The following NTM variants were observed in gnomAD, a reference collection of about 807,000 sequenced individuals.
NTM encodes the protein IgLON family member 2.
NTM carries 13 observed loss-of-function variants against 42.1 expected under a neutral mutation model. The observed-to-expected ratio is 0.31, with a 90% CI of 0.20 to 0.49. NTM has a LOEUF of 0.49. Ranked by LOEUF, NTM falls within the 20% of genes least tolerant of loss-of-function variation. The pLI, the probability that NTM is intolerant of heterozygous loss-of-function variation, is 0.99. For missense variants in NTM, 373 were observed against 452.8 expected (o/e 0.82, Z 1.60); for synonymous variants, 187 against 179.2 (o/e 1.04, Z -0.35).
At chr11:131,409,635 G>C (rs1368314138) in intron 1 of NTM, among the ~76,000 whole-genome samples, 3 of 152,240 alleles carry the variant, frequency 2.0e-5, no homozygotes, top group Non-Finnish European at 4.4e-5. Context: ...GCAGCGGCAC[G>C]GGGGCAGGGG....
chr11:131,613,026 T>A (rs2061590398), intron 1 of NTM, among the ~76,000 whole-genome samples: 1 of 152,238 alleles, frequency 6.6e-6, no homozygotes, highest in South Asian at 2.1e-4. Flanking sequence ...CAGGCACATT[T>A]GAGGACACTC....
At chr11:131,753,569 GT>G (rs372895540) in intron 1 of NTM, among the ~76,000 whole-genome samples, 2 of 143,746 alleles carry the variant, frequency 1.4e-5, no homozygotes, top group African/African-American at 6.0e-5. Flanking sequence ...GCCATAAAAA[GT>G]GATGAGTTCA....
intron 1 of NTM, among the ~76,000 whole-genome samples, chr11:131,838,898 T>C (rs1592198345): frequency 6.6e-6 from 1 of 152,216 alleles, no homozygotes; most frequent in Middle Eastern, 3.4e-3. Context: ...CTGCCCTCTT[T>C]GGGTTTAGAT....
chr11:132,253,175 T>G (rs972862701), intron 4 of NTM, among the ~76,000 whole-genome samples: 1 of 152,186 alleles, frequency 6.6e-6, no homozygotes, highest in Non-Finnish European at 1.5e-5. Flanking sequence ...GATCTGGTAA[T>G]CTTCTATCTC....
At chr11:131,616,946 T>C (rs1419286997) in intron 1 of NTM, among the ~76,000 whole-genome samples, 2 of 152,148 alleles carry the variant, frequency 1.3e-5, no homozygotes. Context: ...TGAAATAAGT[T>C]CCAGGATTTG....
intron 2 of NTM, among the ~76,000 whole-genome samples, chr11:131,913,030 C>T (rs192827104): frequency 6.6e-6 from 1 of 152,268 alleles, no homozygotes; most frequent in Admixed American, 6.5e-5. Flanking sequence ...TTTGTTGGCT[C>T]ACGAGACCCA....
chr11:131,943,819 A>G (rs1461300539), intron 2 of NTM, among the ~76,000 whole-genome samples: 2 of 152,226 alleles, frequency 1.3e-5, no homozygotes, highest in African/African-American at 2.4e-5. Flanking sequence ...TCAAAAGCAC[A>G]GCACTGGAAT....
In NTM at chr11:132,143,668, G is replaced by A. The variant is rs144044400; in HGVS notation, c.168-2614G>A. ...ATGTGAATTCATCCAGTCCCTGCTT[G>A]GACCCAAGTGAAGGTCAGAGCAGTG... is the stretch of plus-strand genomic sequence containing the variant. On this transcript the variant is annotated intron_variant, in intron 2 of 8. Transcript: ENST00000683400. 3.6e-4 allele frequency among the ~76,000 whole-genome samples: 55 copies of A among 152,196 alleles called. No homozygotes were observed. In the East Asian group the frequency reaches 8.5e-3, roughly 24 times the overall value.
At chr11:131,957,570 C>T (rs1305368134) in intron 2 of NTM, among the ~76,000 whole-genome samples, 2 of 152,230 alleles carry the variant, frequency 1.3e-5, no homozygotes, top group Non-Finnish European at 2.9e-5. Flanking sequence ...TGCAGCCCAA[C>T]CGTTACCTGT....
At chr11:131,942,289 G>A (rs1366916798) in intron 2 of NTM, among the ~76,000 whole-genome samples, 1 of 152,222 alleles carries the variant, frequency 6.6e-6, no homozygotes, top group African/African-American at 2.4e-5. Flanking sequence ...CAATGTCCAT[G>A]CATAGAGTGG....
At chr11:131,655,835 G>A (rs1169140078) in intron 1 of NTM, among the ~76,000 whole-genome samples, 1 of 152,250 alleles carries the variant, frequency 6.6e-6, no homozygotes, top group Non-Finnish European at 1.5e-5. Context: ...AGAAATTCTA[G>A]TCTCCACTGG....
At chr11:132,173,361 G>A (rs2076357906) in intron 3 of NTM, among the ~76,000 whole-genome samples, 1 of 152,216 alleles carries the variant, frequency 6.6e-6, no homozygotes, top group African/African-American at 2.4e-5. Context: ...GTGCAGCGAA[G>A]TGGGGTCTCC....
intron 1 of NTM, among the ~76,000 whole-genome samples, chr11:131,705,087 A>G (rs1592636082): frequency 6.6e-6 from 1 of 152,214 alleles, no homozygotes; most frequent in East Asian, 1.9e-4. Flanking sequence ...AAAACTTCCA[A>G]CATCTGGAGA....
At chr11:132,211,489 G>T (rs1464391608) in intron 3 of NTM, among the ~76,000 whole-genome samples, 1 of 152,214 alleles carries the variant, frequency 6.6e-6, no homozygotes, top group African/African-American at 2.4e-5. Flanking sequence ...CCCAGACAGG[G>T]CATGATGGAG....
At chr11:132,279,604 A>G (rs2093887334) in intron 4 of NTM, among the ~76,000 whole-genome samples, 1 of 152,194 alleles carries the variant, frequency 6.6e-6, no homozygotes, top group Non-Finnish European at 1.5e-5. Context: ...GATTTTTTGC[A>G]CAGGCTATTC....
At chr11:132,237,106 A>C (rs1483450382) in intron 4 of NTM, among the ~76,000 whole-genome samples, 3 of 152,250 alleles carry the variant, frequency 2.0e-5, no homozygotes, top group African/African-American at 7.2e-5. Context: ...CAGAAAACTA[A>C]GATGGCCATT....
chr11:131,588,942 T>A (rs1368567952), intron 1 of NTM, among the ~76,000 whole-genome samples: 1 of 152,018 alleles, frequency 6.6e-6, no homozygotes, highest in Non-Finnish European at 1.5e-5. Flanking sequence ...TTAACAGGTG[T>A]GGCTCATGCA....
At chr11:132,195,891 C>T (rs1484705428) in intron 3 of NTM, among the ~76,000 whole-genome samples, 2 of 152,134 alleles carry the variant, frequency 1.3e-5, no homozygotes, top group African/African-American at 2.4e-5. Flanking sequence ...TGGACATTGG[C>T]CTTGGCAAAT....
Position 131,599,335 on chromosome 11 carries a change from C to T in NTM, c.82+228447C>T, listed in dbSNP as rs1397727837. Among the ~76,000 whole-genome samples the T allele has an allele frequency of 6.6e-5, 10 of 151,954 alleles. 3 individuals carry two copies. In the East Asian group the frequency reaches 1.2e-3, roughly 18 times the overall value. ...CTGTCTACCCAGTCTCCGGCAGATG[C>T]CCTGTCTACCCAGTCTCCGGCAGAT... On this transcript the variant is annotated intron_variant, in intron 1 of 8. Transcript: ENST00000683400.
Sources: gnomAD v4.1 joint callset for allele counts (sites outside exome capture counted in the v4.1 genomes callset) on GRCh38, gnomAD v4.1.1 for gene constraint, MANE v1.5 for transcripts, NCBI Gene and HGNC (gene_info 2026-07-23, HGNC 2026-07-21) for gene names.